Variants in KIF16B observed in about 807,000 individuals in gnomAD.
KIF16B encodes kinesin-like protein KIF16B.
In KIF16B, 98 loss-of-function variants were observed where a neutral mutation model predicts 156.3. The ratio of observed to expected loss-of-function variants is 0.63; its 90% CI spans 0.53 to 0.74. The LOEUF (loss-of-function observed/expected upper bound fraction) is 0.74, where lower values mean the gene tolerates loss of function less well. Among genes scored for constraint, KIF16B ranks in the 30% least tolerant of loss-of-function variants. KIF16B has a pLI of 0.00. For missense variants in KIF16B, 1,421 were observed against 1,606.5 expected, an observed-to-expected ratio of 0.88 and a Z score of 1.97; for synonymous variants, 564 against 583.7, an observed-to-expected ratio of 0.97 and a Z score of 0.49.
intron 12 of KIF16B, among the ~76,000 whole-genome samples, chr20:16,479,412 G>A (rs941540073): frequency 4.6e-5 from 7 of 152,032 alleles, no homozygotes; most frequent in African/African-American, 7.3e-5. Context: ...TACCGAATGC[G>A]GGGCTTAATA....
chr20:16,572,656 C>G (rs1256865264), intron 1 of KIF16B, among the ~76,000 whole-genome samples: 1 of 152,214 alleles, frequency 6.6e-6, no homozygotes, highest in Non-Finnish European at 1.5e-5. Context: ...CTCTTAATAT[C>G]AGAGTATTTC....
intron 17 of KIF16B, among the ~76,000 whole-genome samples, chr20:16,398,162 A>G (rs917734661): frequency 3.9e-5 from 6 of 152,254 alleles, no homozygotes; most frequent in African/African-American, 1.4e-4. Flanking sequence ...CTCTATGCTC[A>G]GCTCAAAAGA....
chr20:16,496,839 A>G (rs1000974764), intron 11 of KIF16B, among the ~76,000 whole-genome samples: 6 of 152,206 alleles, frequency 3.9e-5, no homozygotes, highest in Non-Finnish European at 8.8e-5. Context: ...ATTATCCTAG[A>G]TGTGTCAACA....
chr20:16,390,803 A>T (rs946600044), intron 17 of KIF16B, among the ~76,000 whole-genome samples: 2 of 152,374 alleles, frequency 1.3e-5, no homozygotes, highest in East Asian at 3.9e-4. Flanking sequence ...TGCATTCTAC[A>T]TATACAACAA....
chr20:16,458,079 A>C (rs1187126125), intron 12 of KIF16B, among the ~76,000 whole-genome samples: 1 of 152,148 alleles, frequency 6.6e-6, no homozygotes, highest in Non-Finnish European at 1.5e-5. Flanking sequence ...AACCCAGATC[A>C]AAACGGTATA....
At chr20:16,570,277 A>G (rs2071407911) in intron 1 of KIF16B, among the ~76,000 whole-genome samples, 1 of 152,218 alleles carries the variant, frequency 6.6e-6, no homozygotes, top group South Asian at 2.1e-4. Context: ...TAGAAATTAG[A>G]AAAAGTAGAA....
chr20:16,372,281 C>A (rs1018325076), intron 20 of KIF16B, among the ~76,000 whole-genome samples: 12 of 152,174 alleles, frequency 7.9e-5, no homozygotes, highest in Non-Finnish European at 2.9e-5. Context: ...GATTGAACAG[C>A]GTCTAGCACA....
intron 15 of KIF16B, among the ~76,000 whole-genome samples, chr20:16,417,036 T>C (rs2066107170): frequency 6.6e-6 from 1 of 152,066 alleles, no homozygotes; most frequent in Admixed American, 6.6e-5. Flanking sequence ...TCCTTCCCTG[T>C]CCTCTCATTT....
chr20:16,486,057 C>T (rs2068105029), intron 12 of KIF16B, among the ~76,000 whole-genome samples: 1 of 152,098 alleles, frequency 6.6e-6, no homozygotes, highest in Non-Finnish European at 1.5e-5. Context: ...GCTTTATCAA[C>T]AAAAGTATTT....
intron 14 of KIF16B, among the ~76,000 whole-genome samples, chr20:16,428,091 C>T (rs2066403925): frequency 6.6e-6 from 1 of 152,110 alleles, no homozygotes; most frequent in Admixed American, 6.5e-5. Context: ...GGCCTGATGC[C>T]TACTTCTACC....
chr20:16,464,653 T>C (rs1255447486), intron 12 of KIF16B, among the ~76,000 whole-genome samples: 3 of 152,200 alleles, frequency 2.0e-5, no homozygotes, highest in Non-Finnish European at 4.4e-5. Context: ...TGAAGGCCCC[T>C]GCCCTCTAGT....
At position 16,379,713 on chromosome 20, in the gene KIF16B, G is replaced by C; in HGVS notation, c.2289C>G (p.Ala763=). ...EQEKEQVMLV[A]HLEEQLREKQ... is the part of the protein sequence containing the mutation. ...TCTCTCGGAGCTGCTCTTCCAGATG[G>C]GCCACGAGCATGACCTGCTCCTTCT... Residue 763 remains alanine (A), a synonymous_variant, in exon 19 of 26, where the codon GCC becomes GCG. Transcript: ENST00000354981. 1 of 1,614,052 alleles carries C rather than the reference G, an allele frequency of 6.2e-7. No individual in the cohort carries two copies. The highest frequency in any genetic ancestry group is 2.2e-5 in the East Asian group (1 of 44,876).
chr20:16,431,876 C>CAT (rs140952127), intron 12 of KIF16B, among the ~76,000 whole-genome samples: 17,013 of 143,302 alleles, frequency 0.12, 1,225 homozygotes, highest in Non-Finnish European at 0.17. Flanking sequence ...TATATATATA[C>CAT]ATATATATAT....
chr20:16,509,823 T>A (rs1398828265), intron 6 of KIF16B, among the ~76,000 whole-genome samples: 2 of 152,258 alleles, frequency 1.3e-5, no homozygotes, highest in South Asian at 2.1e-4. Context: ...ATTTTGCTAT[T>A]CTTTGTTTAA....
intron 12 of KIF16B, among the ~76,000 whole-genome samples, chr20:16,467,959 C>T (rs1005128433): frequency 3.9e-5 from 6 of 151,944 alleles, no homozygotes; most frequent in African/African-American, 7.2e-5. Flanking sequence ...AAGACAAAAA[C>T]AGAAACAAAG....
intron 23 of KIF16B, among the ~76,000 whole-genome samples, chr20:16,340,065 T>A (rs550501077): frequency 6.6e-6 from 1 of 152,318 alleles, no homozygotes; most frequent in East Asian, 1.9e-4. Context: ...CTACAAGGAT[T>A]TCTACAATCT....
At chr20:16,298,742 A>G (rs1166272022) in intron 25 of KIF16B, among the ~76,000 whole-genome samples, 1 of 150,720 alleles carries the variant, frequency 6.6e-6, no homozygotes, top group Non-Finnish European at 1.5e-5. Flanking sequence ...GTGTTCTTGC[A>G]AAAAAAAATC....
intron 1 of KIF16B, among the ~76,000 whole-genome samples, chr20:16,548,906 A>C (rs564206395): frequency 6.6e-6 from 1 of 152,294 alleles, no homozygotes; most frequent in East Asian, 1.9e-4. Flanking sequence ...AAAATACTGA[A>C]AACACTAATG....
intron 12 of KIF16B, among the ~76,000 whole-genome samples, chr20:16,461,907 G>C (rs895693472): frequency 2.0e-5 from 3 of 152,160 alleles, no homozygotes; most frequent in Admixed American, 6.5e-5. Flanking sequence ...AGTTTTCTAA[G>C]GGCTAGAACA....
Sources: gnomAD v4.1 joint callset for allele counts (sites outside exome capture counted in the v4.1 genomes callset) on GRCh38, gnomAD v4.1.1 for gene constraint, MANE v1.5 for transcripts, NCBI Gene and HGNC (gene_info 2026-07-23, HGNC 2026-07-21) for gene names.